SYN3: variants seen among roughly 807,000 people sequenced by gnomAD.
The protein encoded by SYN3 is synapsin-3.
In SYN3, 35 loss-of-function variants were observed where a neutral mutation model predicts 65.8. That is an observed-to-expected ratio of 0.53 (90% confidence interval 0.41 to 0.70). The LOEUF (loss-of-function observed/expected upper bound fraction) is 0.70, where lower values mean the gene tolerates loss of function less well. Among genes scored for constraint, SYN3 ranks in the 30% least tolerant of loss-of-function variants. SYN3 has a pLI of 0.00. For missense variants in SYN3, 680 were observed against 749.0 expected (o/e 0.91, Z 1.08); for synonymous variants, 270 against 292.9 (o/e 0.92, Z 0.80).
chr22:33,045,459 CTTTTTTT>C (rs745442160), intron 1 of SYN3, among the ~76,000 whole-genome samples: 8 of 84,692 alleles, frequency 9.4e-5, no homozygotes, highest in East Asian at 3.4e-4. Flanking sequence ...GCTCTACTTT[CTTTTTTT>C]TTTTTTTTTT....
rs75698380 is a variant in SYN3 at position 32,553,114 on chromosome 22, C to G, written c.775-11401G>C. On this transcript the variant is annotated intron_variant, in intron 7 of 13. Transcript: ENST00000358763. ...CCCTCATCCCATCATGAGGGCCCCA[C>G]CATCGTGACCTCATCTAAACCTAAT... is the stretch of plus-strand genomic sequence containing the variant. Among the ~76,000 whole-genome samples the G allele has an allele frequency of 8.2e-3, 1,250 of 152,240 alleles. 9 individuals are homozygous for G. The highest frequency in any genetic ancestry group is 0.029 in the African/African-American group (1,185 of 41,532).
At chr22:32,910,136 T>C (rs2146575306) in intron 4 of SYN3, among the ~76,000 whole-genome samples, 1 of 152,288 alleles carries the variant, frequency 6.6e-6, no homozygotes, top group East Asian at 1.9e-4. Flanking sequence ...CTGAGCACGC[T>C]ACTTGCCCTC....
At chr22:32,624,301 G>A (rs1235213517) in intron 6 of SYN3, among the ~76,000 whole-genome samples, 2 of 152,142 alleles carry the variant, frequency 1.3e-5, no homozygotes, top group Non-Finnish European at 2.9e-5. Context: ...CCAGAGGCTG[G>A]GTGGGGGGTC....
chr22:32,854,096 T>C (rs544638779), intron 6 of SYN3, among the ~76,000 whole-genome samples: 1 of 152,322 alleles, frequency 6.6e-6, no homozygotes, highest in South Asian at 2.1e-4. Flanking sequence ...CAATTCTAGA[T>C]CTCTATGATT....
In SYN3 at chr22:32,714,717, A is replaced by C. The variant is rs142598089; in HGVS notation, c.712-117981T>G. On this transcript the variant is annotated intron_variant, in intron 6 of 13. Transcript: ENST00000358763. ...CGAATGCCACCCCACTAGACATTAT[A>C]ATCTCTGATTAAGATAGGCTTTGTG... Among the ~76,000 whole-genome samples the C allele has an allele frequency of 3.3e-4, 50 of 152,272 alleles. 4 individuals are homozygous for C. In the East Asian group the frequency reaches 9.6e-3, roughly 29 times the overall value.
At chr22:32,759,342 G>C (rs2045386447) in intron 6 of SYN3, among the ~76,000 whole-genome samples, 1 of 152,092 alleles carries the variant, frequency 6.6e-6, no homozygotes, top group Non-Finnish European at 1.5e-5. Context: ...TGGGGCTCTT[G>C]AAAGGACCAA....
intron 1 of SYN3, among the ~76,000 whole-genome samples, chr22:33,020,006 C>T (rs756156025): frequency 1.3e-5 from 2 of 152,154 alleles, no homozygotes; most frequent in Non-Finnish European, 2.9e-5. Context: ...AATGAAACAT[C>T]GTTTTTAGTA....
intron 1 of SYN3, among the ~76,000 whole-genome samples, chr22:33,054,070 A>T (rs1477264940): frequency 6.6e-6 from 1 of 152,232 alleles, no homozygotes; most frequent in African/African-American, 2.4e-5. Flanking sequence ...TCTAAAAATG[A>T]GGACAATCGC....
chr22:32,681,905 G>T, intron 6 of SYN3, among the ~76,000 whole-genome samples: 1 of 152,204 alleles, frequency 6.6e-6, no homozygotes. Context: ...AGTCCTGGAG[G>T]TATGGGATGG....
chr22:32,729,507 T>C (rs1464414838), intron 6 of SYN3, among the ~76,000 whole-genome samples: 1 of 152,232 alleles, frequency 6.6e-6, no homozygotes, highest in Non-Finnish European at 1.5e-5. Context: ...ACTACAGTGA[T>C]GGGGACTGAA....
chr22:32,738,733 T>C (rs566745536), intron 6 of SYN3, among the ~76,000 whole-genome samples: 51 of 152,118 alleles, frequency 3.4e-4, no homozygotes, highest in Non-Finnish European at 6.2e-4. Context: ...GGCAAAGACA[T>C]GGGATTATCA....
intron 6 of SYN3, among the ~76,000 whole-genome samples, chr22:32,848,053 C>T (rs1352723660): frequency 6.6e-6 from 1 of 152,344 alleles, no homozygotes; most frequent in African/African-American, 2.4e-5. Context: ...GTATTCAAGA[C>T]CTGTCCATTT....
chr22:32,844,815 A>G (rs2048015351), intron 6 of SYN3, among the ~76,000 whole-genome samples: 1 of 151,912 alleles, frequency 6.6e-6, no homozygotes, highest in South Asian at 2.1e-4. Context: ...GGCTCAAGCA[A>G]TCCTCCCACC....
intron 6 of SYN3, among the ~76,000 whole-genome samples, chr22:32,774,050 G>T (rs1032407780): frequency 1.3e-5 from 2 of 152,084 alleles, no homozygotes; most frequent in Non-Finnish European, 2.9e-5. Flanking sequence ...CCAAGGACAG[G>T]AAAGAAAAGA....
intron 10 of SYN3, among the ~76,000 whole-genome samples, chr22:32,531,829 T>C (rs2058075908): frequency 6.8e-6 from 1 of 147,378 alleles, no homozygotes; most frequent in South Asian, 2.1e-4. Flanking sequence ...TGAAAAGCTA[T>C]CTTTCATTTT....
rs148023112 is a variant in SYN3, at chr22:32,592,471, A to T, written c.774+4203T>A. Among the ~76,000 whole-genome samples, 122 of 152,258 alleles carry T rather than the reference A, an allele frequency of 8.0e-4. 1 individual carries two copies. Among genetic ancestry groups the T allele is most frequent in the African/African-American group, 2.9e-3 (119 of 41,544 alleles). On this transcript the variant is annotated intron_variant, in intron 7 of 13. Coordinates refer to ENST00000358763, the MANE Select transcript of SYN3 (RefSeq NM_003490.4). ...CATATTTTGATTTCTGTTTCTCATGATGTCCACTATTTTTTTGTTTTAATA... is the reference window on the plus strand; with the variant it reads ...CATATTTTGATTTCTGTTTCTCATGTTGTCCACTATTTTTTTGTTTTAATA...
At chr22:32,619,050 G>A (rs2059559311) in intron 6 of SYN3, among the ~76,000 whole-genome samples, 1 of 152,164 alleles carries the variant, frequency 6.6e-6, no homozygotes, top group Non-Finnish European at 1.5e-5. Context: ...GAGGTCCAGA[G>A]CCTTAATATT....
chr22:32,742,455 G>T (rs1197963349), intron 6 of SYN3, among the ~76,000 whole-genome samples: 2 of 152,160 alleles, frequency 1.3e-5, no homozygotes, highest in East Asian at 3.9e-4. Flanking sequence ...ATACTCGCTG[G>T]CTTGGCAGTG....
At chr22:32,933,572 G>A (rs2050694581) in intron 3 of SYN3, among the ~76,000 whole-genome samples, 1 of 152,134 alleles carries the variant, frequency 6.6e-6, no homozygotes, top group African/African-American at 2.4e-5. Context: ...GGGATTACAG[G>A]TATCTGCCAC....
Sources: gnomAD v4.1 joint callset for allele counts (sites outside exome capture counted in the v4.1 genomes callset) on GRCh38, gnomAD v4.1.1 for gene constraint, MANE v1.5 for transcripts, NCBI Gene and HGNC (gene_info 2026-07-23, HGNC 2026-07-21) for gene names.